The following C12orf42 variants were observed in gnomAD, a reference collection of about 807,000 sequenced individuals.
C12orf42 encodes uncharacterized protein C12orf42.
C12orf42 carries 25 observed loss-of-function variants against 21.6 expected under a neutral mutation model. That is an observed-to-expected ratio of 1.16 (90% CI 0.84 to 1.62). The LOEUF (loss-of-function observed/expected upper bound fraction) is 1.62, where lower values mean the gene tolerates loss of function less well. C12orf42 is among the 40% of genes most tolerant of loss of function. The probability of loss-of-function intolerance (pLI) is 0.00; values close to 1 mark genes in which losing one functional copy is unlikely to be tolerated. For missense variants in C12orf42, 483 were observed against 459.3 expected (o/e 1.05, Z -0.47); for synonymous variants, 174 against 175.0 (o/e 0.99, Z 0.05).
chr12:103,447,655 A>G (rs1951664124), intron 2 of C12orf42, among the ~76,000 whole-genome samples: 1 of 152,010 alleles, frequency 6.6e-6, no homozygotes, highest in Non-Finnish European at 1.5e-5. Flanking sequence ...ACAGTGACCA[A>G]GCTGAGAATC....
the C12orf42 span, among the ~76,000 whole-genome samples, chr12:103,227,180 G>C: frequency 2.0e-5 from 3 of 152,030 alleles, no homozygotes; most frequent in African/African-American, 7.2e-5. Context: ...AGCAAGCCTA[G>C]AGAAGAGAGT....
chr12:103,485,460 T>G (rs182054169), intron 1 of C12orf42, among the ~76,000 whole-genome samples: 52 of 152,364 alleles, frequency 3.4e-4, no homozygotes, highest in African/African-American at 1.2e-3. Context: ...TGTGGGCTCT[T>G]TTTTAGTTCC....
the C12orf42 span, among the ~76,000 whole-genome samples, chr12:103,526,849 G>T: frequency 1.3e-5 from 2 of 152,178 alleles, no homozygotes; most frequent in African/African-American, 4.8e-5. Flanking sequence ...AATTTCTATT[G>T]TTGAAGCTTC....
At chr12:103,503,137 G>A in the C12orf42 span, among the ~76,000 whole-genome samples, 4 of 152,218 alleles carry the variant, frequency 2.6e-5, no homozygotes, top group South Asian at 4.1e-4. Context: ...TAAAGGATTC[G>A]ACAAATTAAT....
the C12orf42 span, among the ~76,000 whole-genome samples, chr12:103,080,382 C>G: frequency 1.3e-5 from 2 of 152,192 alleles, no homozygotes; most frequent in Non-Finnish European, 2.9e-5. Flanking sequence ...TCCCCAACAT[C>G]TTTTCAACTA....
At chr12:103,146,422 A>G in the C12orf42 span, among the ~76,000 whole-genome samples, 1 of 149,818 alleles carries the variant, frequency 6.7e-6, no homozygotes, top group African/African-American at 2.5e-5. Flanking sequence ...GAAGGTTGCA[A>G]TGAGCTGAGA....
At chr12:103,416,018 T>C (rs1277765586) in intron 2 of C12orf42, among the ~76,000 whole-genome samples, 1 of 132,518 alleles carries the variant, frequency 7.5e-6, no homozygotes, top group Non-Finnish European at 1.6e-5. Context: ...GAGGCACCAT[T>C]GTCTTTGTTT....
the C12orf42 span, among the ~76,000 whole-genome samples, chr12:103,190,124 C>T: frequency 6.6e-6 from 1 of 152,064 alleles, no homozygotes; most frequent in Non-Finnish European, 1.5e-5. Flanking sequence ...AATCCAAAAG[C>T]CTCAAAACTA....
chr12:103,147,872 G>A, the C12orf42 span, among the ~76,000 whole-genome samples: 2 of 151,918 alleles, frequency 1.3e-5, no homozygotes, highest in Non-Finnish European at 2.9e-5. Context: ...CAAGACACAT[G>A]GACCAGCAGC....
At chr12:103,432,776 C>T (rs973583842) in intron 2 of C12orf42, among the ~76,000 whole-genome samples, 3 of 152,130 alleles carry the variant, frequency 2.0e-5, no homozygotes, top group East Asian at 1.9e-4. Context: ...GACACAGATA[C>T]ACACACAGAG....
chr12:103,551,925 G>T, the C12orf42 span, among the ~76,000 whole-genome samples: 2 of 152,118 alleles, frequency 1.3e-5, no homozygotes, highest in African/African-American at 4.8e-5. Flanking sequence ...GTCTAGTTAG[G>T]GTGATGATTC....
At chr12:103,260,135 C>T (rs1046192660) in intron 10 of C12orf42, among the ~76,000 whole-genome samples, 1 of 152,148 alleles carries the variant, frequency 6.6e-6, no homozygotes, top group African/African-American at 2.4e-5. Flanking sequence ...TTGAAACCAA[C>T]TAATGATATC....
intron 5 of C12orf42, chr12:103,270,054 G>A (rs2035369102): frequency 6.6e-6 from 1 of 152,120 alleles, no homozygotes; most frequent in Admixed American, 6.6e-5. Context: ...TCAGACTAAT[G>A]AGTTTGGAAT....
At chr12:103,136,549 G>A in the C12orf42 span, among the ~76,000 whole-genome samples, 6 of 148,406 alleles carry the variant, frequency 4.0e-5, no homozygotes, top group Admixed American at 6.6e-5. Flanking sequence ...AAATGTATAC[G>A]GAACCATAAA....
intron 4 of C12orf42, among the ~76,000 whole-genome samples, chr12:103,295,337 C>T (rs976263447): frequency 5.9e-5 from 9 of 151,846 alleles, no homozygotes; most frequent in Admixed American, 2.6e-4. Flanking sequence ...CACATGGCAT[C>T]GTGTACCCCA....
At chr12:103,368,703 C>T (rs1566170094) in intron 4 of C12orf42, among the ~76,000 whole-genome samples, 184 bp downstream of exon 4, 1 of 152,032 alleles carries the variant, frequency 6.6e-6, no homozygotes, top group Non-Finnish European at 1.5e-5. Context: ...CTGGATCCAG[C>T]CATGCCCTAA....
chr12:103,547,244 G>A, the C12orf42 span, among the ~76,000 whole-genome samples: 1 of 152,158 alleles, frequency 6.6e-6, no homozygotes. Context: ...ACTAAATAAA[G>A]ATTAAATTTC....
the C12orf42 span, among the ~76,000 whole-genome samples, chr12:103,072,576 T>C: frequency 6.6e-5 from 10 of 152,120 alleles, no homozygotes; most frequent in Admixed American, 5.9e-4. Flanking sequence ...TGAGAGTCCC[T>C]CCCATATCTA....
chr12:103,222,800 C>T, the C12orf42 span, among the ~76,000 whole-genome samples: 13 of 151,890 alleles, frequency 8.6e-5, no homozygotes, highest in Admixed American at 5.3e-4. Flanking sequence ...TCTGTCCCCA[C>T]GCAGATGTCC....
Sources: allele counts gnomAD v4.1 joint callset (sites outside exome capture counted in the v4.1 genomes callset), GRCh38; gene constraint gnomAD v4.1.1; transcripts MANE v1.5; gene names NCBI Gene and HGNC (gene_info 2026-07-23, HGNC 2026-07-21).